The following CYP19A1 variants were observed in gnomAD, a reference collection of about 807,000 sequenced individuals.
CYP19A1 encodes cytochrome P450 family 19 subfamily A member 1, also known as aromatase.
In CYP19A1, 32 loss-of-function variants were observed where a neutral mutation model predicts 44.4. That is an observed-to-expected ratio of 0.72 (90% CI 0.54 to 0.97). The LOEUF (loss-of-function observed/expected upper bound fraction) is 0.97, where lower values mean the gene tolerates loss of function less well. Ranked by LOEUF, CYP19A1 falls within the 50% of genes least tolerant of loss-of-function variation. The probability of loss-of-function intolerance (pLI) is 0.00; values close to 1 mark genes in which losing one functional copy is unlikely to be tolerated. For missense variants in CYP19A1, 598 were observed against 637.8 expected (o/e 0.94, Z 0.67); for synonymous variants, 212 against 215.6 (o/e 0.98, Z 0.14).
rs1044150568 is a variant in CYP19A1, at chr15:51,328,401, C to A, written c.-39+10094G>T. Among the ~76,000 whole-genome samples, 8 of 152,144 alleles carry A rather than the reference C, an allele frequency of 5.3e-5. No individual in the cohort carries two copies. The South Asian group carries it at 6.2e-4, about 12-fold the overall frequency. On this transcript the variant is annotated intron_variant, in intron 1 of 9. Transcript: ENST00000396402. Reference sequence around the variant, plus strand: ...GACCACTGCAGAGCATCTGACATCCCCCCCTACCCATCCACTAAATGTCAA... The same window carrying A: ...GACCACTGCAGAGCATCTGACATCCACCCCTACCCATCCACTAAATGTCAA...
intron 1 of CYP19A1, among the ~76,000 whole-genome samples, chr15:51,251,077 C>T (rs1331515054): frequency 6.6e-6 from 1 of 152,144 alleles, no homozygotes; most frequent in Non-Finnish European, 1.5e-5. Flanking sequence ...CCCAGGCCTG[C>T]CACGCCCGGG....
chr15:51,234,077 A>AG (rs2141097799), intron 3 of CYP19A1, among the ~76,000 whole-genome samples: 2 of 152,340 alleles, frequency 1.3e-5, no homozygotes, highest in African/African-American at 4.8e-5. Context: ...ACTTTTCAAA[A>AG]GAAAAAAAAA....
intron 1 of CYP19A1, among the ~76,000 whole-genome samples, chr15:51,300,610 AC>A (rs1403279531): frequency 6.6e-6 from 1 of 152,016 alleles, no homozygotes; most frequent in Non-Finnish European, 1.5e-5. Flanking sequence ...GAGCTCCAGA[AC>A]CCCCTGTGCC....
intron 1 of CYP19A1, chr15:51,338,290 C>T (rs1595792816): frequency 6.6e-6 from 1 of 152,160 alleles, no homozygotes; most frequent in African/African-American, 2.4e-5. Flanking sequence ...GAAAAACACT[C>T]AAGCAGTGTT....
chr15:51,289,807 G>A (rs1313305198), intron 1 of CYP19A1, among the ~76,000 whole-genome samples: 2 of 152,210 alleles, frequency 1.3e-5, no homozygotes, highest in African/African-American at 4.8e-5. Flanking sequence ...GGGGAGATGA[G>A]AGGGGAATGG....
chr15:51,251,391 C>T (rs1468533407), intron 1 of CYP19A1, among the ~76,000 whole-genome samples: 1 of 152,182 alleles, frequency 6.6e-6, no homozygotes, highest in Non-Finnish European at 1.5e-5. Context: ...TCCCAAGTGG[C>T]CTTGCTTCCT....
chr15:51,288,195 C>T (rs1178558881), intron 1 of CYP19A1, among the ~76,000 whole-genome samples: 1 of 152,142 alleles, frequency 6.6e-6, no homozygotes, highest in African/African-American at 2.4e-5. Flanking sequence ...CCTTTGCCTC[C>T]TGTCCCCAGC....
chr15:51,317,404 C>T (rs960663887), intron 1 of CYP19A1, among the ~76,000 whole-genome samples: 14 of 152,110 alleles, frequency 9.2e-5, no homozygotes, highest in East Asian at 3.9e-4. Context: ...CCACTGCGCC[C>T]GGCAAGAGAA....
In CYP19A1 at chr15:51,210,203, C is replaced by A; in HGVS notation, c.*605G>T. 1 of 365,696 alleles carries A rather than the reference C, an allele frequency of 2.7e-6. No individual in the cohort carries two copies. The highest frequency in any genetic ancestry group is 5.4e-6 in the Non-Finnish European group (1 of 185,640). The allele number at this position is 365,696 out of a possible 1,614,324, so 22.7% of individuals were successfully genotyped here. On this transcript the variant is annotated 3_prime_UTR_variant, in exon 10 of 10. Transcript: ENST00000396402. ...TGGGAAAGAATTTCCTCTGATTAAA[C>A]TTTTGCCACAGACAGATCATATGTA...
At chr15:51,267,250 G>C (rs924599924) in intron 1 of CYP19A1, among the ~76,000 whole-genome samples, 1 of 152,154 alleles carries the variant, frequency 6.6e-6, no homozygotes, top group Non-Finnish European at 1.5e-5. Flanking sequence ...GGCGAGGCAG[G>C]GGGTGCGGCG....
chr15:51,232,611 A>G (rs1197669578), intron 3 of CYP19A1, among the ~76,000 whole-genome samples: 4 of 152,048 alleles, frequency 2.6e-5, no homozygotes, highest in African/African-American at 9.7e-5. Context: ...TCCCCATTCA[A>G]TGCAAAACTG....
At chr15:51,321,833 C>T (rs939534292) in intron 1 of CYP19A1, 4 of 152,232 alleles carry the variant, frequency 2.6e-5, no homozygotes, top group Non-Finnish European at 4.4e-5. Flanking sequence ...TCCAGGCAGG[C>T]TGGACTATGC....
intron 1 of CYP19A1, among the ~76,000 whole-genome samples, chr15:51,283,400 G>A (rs2035593865): frequency 1.3e-5 from 2 of 152,146 alleles, no homozygotes; most frequent in African/African-American, 4.8e-5. Flanking sequence ...TATTCAAAAA[G>A]CTAGAGCCGA....
At chr15:51,222,617 G>T in intron 4 of CYP19A1, 92 bp from the exon 5 acceptor site, 1 of 956,334 alleles carries the variant, frequency 1.0e-6, no homozygotes, top group Non-Finnish European at 1.7e-6. Context: ...GAGCTTAATT[G>T]TCCACAATTT....
rs561517021 is a variant in CYP19A1, at chr15:51,318,293, A to G, written c.-39+20202T>C. 9 of 152,360 alleles carry G rather than the reference A, an allele frequency of 5.9e-5. No individual in the cohort carries two copies. The South Asian group carries it at 1.9e-3, about 32-fold the overall frequency. The allele number at this position is 152,360 out of a possible 1,614,324, so 9.4% of individuals were successfully genotyped here. ...TGAAGCCACTTAATTAAAGCCACTCAGTTGATAGCAAAGTGGAGATGCAAA... is the reference window on the plus strand; with the variant it reads ...TGAAGCCACTTAATTAAAGCCACTCGGTTGATAGCAAAGTGGAGATGCAAA... On this transcript the variant is annotated intron_variant, in intron 1 of 9. Transcript: ENST00000396402.
intron 4 of CYP19A1, among the ~76,000 whole-genome samples, 198 bp from the exon 5 acceptor site, chr15:51,222,723 G>C (rs916101046): frequency 5.9e-5 from 9 of 152,210 alleles, no homozygotes; most frequent in African/African-American, 2.2e-4. Context: ...CTATGGTTAA[G>C]AATGAATGAA....
intron 1 of CYP19A1, among the ~76,000 whole-genome samples, chr15:51,329,460 A>C (rs762714858): frequency 2.6e-5 from 4 of 152,206 alleles, no homozygotes; most frequent in Non-Finnish European, 5.9e-5. Flanking sequence ...GAAACAGCAG[A>C]AGACATGGGT....
intron 1 of CYP19A1, among the ~76,000 whole-genome samples, chr15:51,250,075 T>C (rs547509200): frequency 6.6e-6 from 1 of 152,322 alleles, no homozygotes; most frequent in East Asian, 1.9e-4. Context: ...TTCCCATCCC[T>C]GCTGTGGTCT....
chr15:51,236,757 C>G, intron 3 of CYP19A1, 102 bp downstream of exon 3: 1 of 1,370,234 alleles, frequency 7.3e-7, no homozygotes, highest in Non-Finnish European at 1.0e-6. Context: ...AAAAATATAG[C>G]GTTAGAAACA....
Sources: allele counts gnomAD v4.1 joint callset (sites outside exome capture counted in the v4.1 genomes callset), GRCh38; gene constraint gnomAD v4.1.1; transcripts MANE v1.5; gene names NCBI Gene and HGNC (gene_info 2026-07-23, HGNC 2026-07-21).